TBC1D5: variants seen among roughly 807,000 people sequenced by gnomAD.
The protein encoded by TBC1D5 is TBC1 domain family, member 5.
A neutral mutation model predicts 100.3 loss-of-function variants in TBC1D5; 75 were observed. The ratio of observed to expected loss-of-function variants is 0.75; its 90% CI spans 0.62 to 0.91. The LOEUF (loss-of-function observed/expected upper bound fraction) is 0.91, where lower values mean the gene tolerates loss of function less well. Ranked by LOEUF, TBC1D5 falls within the 40% of genes least tolerant of loss-of-function variation. The pLI is 0.00. For synonymous variants in TBC1D5, 323 were observed against 325.6 expected (o/e 0.99, Z 0.09); for missense variants, 910 against 942.4 (o/e 0.97, Z 0.45).
intron 2 of TBC1D5, among the ~76,000 whole-genome samples, chr3:17,560,250 C>G (rs565256171): frequency 2.0e-5 from 3 of 152,134 alleles, no homozygotes; most frequent in African/African-American, 7.2e-5. Context: ...TCAAACAACT[C>G]AGGTACTTCA....
intron 2 of TBC1D5, among the ~76,000 whole-genome samples, chr3:17,522,679 C>G (rs1471650946): frequency 6.6e-6 from 1 of 152,128 alleles, no homozygotes; most frequent in African/African-American, 2.4e-5. Context: ...CCTATCCCAA[C>G]TCCCAGGGAA....
chr3:17,441,859 A>G (rs1175953659), intron 3 of TBC1D5, among the ~76,000 whole-genome samples: 1 of 152,152 alleles, frequency 6.6e-6, no homozygotes, highest in Non-Finnish European at 1.5e-5. Context: ...AACAGATCAC[A>G]ATAAAACAAA....
chr3:17,741,956 T>C (rs1286804565), upstream of TBC1D5, among the ~76,000 whole-genome samples: 1 of 151,988 alleles, frequency 6.6e-6, no homozygotes, highest in Non-Finnish European at 1.5e-5. Flanking sequence ...CTATTAAGGT[T>C]TGAGGATTCA....
intron 2 of TBC1D5, among the ~76,000 whole-genome samples, chr3:17,509,902 A>C (rs2095884016): frequency 6.6e-6 from 1 of 152,038 alleles, no homozygotes; most frequent in South Asian, 2.1e-4. Flanking sequence ...TTCCATATTG[A>C]ATAAATTTTG....
chr3:17,536,453 A>T (rs1403569036), intron 2 of TBC1D5, among the ~76,000 whole-genome samples: 1 of 152,204 alleles, frequency 6.6e-6, no homozygotes, highest in African/African-American at 2.4e-5. Context: ...ATACGTTCAT[A>T]ATGTTGCTCC....
chr3:17,508,870 A>AGC (rs1413990771), intron 2 of TBC1D5, among the ~76,000 whole-genome samples: 2 of 152,190 alleles, frequency 1.3e-5, no homozygotes, highest in Non-Finnish European at 1.5e-5. Context: ...TCAATAAATA[A>AGC]GCTAAATTCT....
rs530551605 is a variant in TBC1D5, at chr3:17,186,991, G to T, written c.1753-1783C>A. ...AACTCTGCAGCTGAGCATTAAGGTAGACAAGGATGGGGCATTTCAGGGCTT... is the reference window on the plus strand; with the variant it reads ...AACTCTGCAGCTGAGCATTAAGGTATACAAGGATGGGGCATTTCAGGGCTT... On this transcript the variant is annotated intron_variant, in intron 18 of 21. Coordinates refer to ENST00000253692, the Ensembl canonical transcript of TBC1D5. Among the ~76,000 whole-genome samples, 3 of 152,222 alleles carry T rather than the reference G, an allele frequency of 2.0e-5. No homozygotes were observed. In the East Asian group the frequency reaches 5.8e-4, roughly 29 times the overall value.
At chr3:17,710,156 G>GA (rs796591920) in intron 1 of TBC1D5, among the ~76,000 whole-genome samples, 36 of 151,856 alleles carry the variant, frequency 2.4e-4, no homozygotes, top group African/African-American at 8.7e-4. Context: ...ACTAAGGGGA[G>GA]AAAAAAAATA....
chr3:17,184,947 T>G (rs944183894), intron 19 of TBC1D5, 162 bp downstream of exon 20: 1 of 481,322 alleles, frequency 2.1e-6, no homozygotes, highest in Non-Finnish European at 3.6e-6. Flanking sequence ...ATCTATATAA[T>G]GTAGAGAGTG....
chr3:17,480,793 C>A (rs2095492583), intron 3 of TBC1D5, among the ~76,000 whole-genome samples: 1 of 152,216 alleles, frequency 6.6e-6, no homozygotes, highest in South Asian at 2.1e-4. Context: ...CGGAAAGGAG[C>A]TACCCACTCA....
At chr3:17,479,211 G>A (rs2095472869) in intron 3 of TBC1D5, among the ~76,000 whole-genome samples, 1 of 152,070 alleles carries the variant, frequency 6.6e-6, no homozygotes, top group Admixed American at 6.6e-5. Context: ...ACCAGACTGG[G>A]CAAAGTACTG....
intron 13 of TBC1D5, among the ~76,000 whole-genome samples, chr3:17,315,334 T>C (rs903019842): frequency 1.3e-5 from 2 of 152,214 alleles, no homozygotes; most frequent in Admixed American, 6.5e-5. Context: ...AAAGTAGGGA[T>C]ACAAATGTGA....
At chr3:17,455,999 C>T (rs939100665) in intron 3 of TBC1D5, among the ~76,000 whole-genome samples, 5 of 152,220 alleles carry the variant, frequency 3.3e-5, no homozygotes, top group Admixed American at 2.6e-4. Flanking sequence ...ACCCACCCTC[C>T]TACATGGAAC....
intron 2 of TBC1D5, among the ~76,000 whole-genome samples, chr3:17,618,173 G>A (rs1056715623): frequency 1.3e-5 from 2 of 152,152 alleles, no homozygotes. Context: ...CAGGTCTGTT[G>A]GAGTTTGCTG....
intron 14 of TBC1D5, among the ~76,000 whole-genome samples, chr3:17,296,217 TA>T (rs1486133853): frequency 6.6e-6 from 1 of 152,176 alleles, no homozygotes; most frequent in Non-Finnish European, 1.5e-5. Flanking sequence ...TAAAATGAGC[TA>T]ACAAAAAAGA....
At chr3:17,266,857 C>A (rs2078899838) in intron 15 of TBC1D5, among the ~76,000 whole-genome samples, 2 of 151,874 alleles carry the variant, frequency 1.3e-5, no homozygotes, top group South Asian at 4.2e-4. Context: ...ATAGAAAAAT[C>A]TAGGTAATTC....
At chr3:17,637,160 TACGGGTGTGTGCCACCATGCCCG>T (rs2064026106) in intron 1 of TBC1D5, among the ~76,000 whole-genome samples, 2 of 148,088 alleles carry the variant, frequency 1.4e-5, no homozygotes, top group African/African-American at 4.9e-5. Flanking sequence ...TAGCTGGGAC[TACGGGTGTGTGCCACCATGCCCG>T]ACTAATTTTT....
At chr3:17,735,076 G>C (rs1488259873) in intron 1 of TBC1D5, among the ~76,000 whole-genome samples, 1 of 152,138 alleles carries the variant, frequency 6.6e-6, no homozygotes, top group Non-Finnish European at 1.5e-5. Context: ...CTGGGCAACA[G>C]AGCAAGACCT....
At chr3:17,376,484 G>T in intron 10 of TBC1D5, 41 bp downstream of exon 10, 1 of 1,544,178 alleles carries the variant, frequency 6.5e-7, no homozygotes, top group Non-Finnish European at 8.8e-7. Context: ...TACCGTGGGG[G>T]CTAAAAAACA....
Sources: allele counts gnomAD v4.1 joint callset (sites outside exome capture counted in the v4.1 genomes callset), GRCh38; gene constraint gnomAD v4.1.1; transcripts MANE v1.5; gene names NCBI Gene and HGNC (gene_info 2026-07-23, HGNC 2026-07-21).